CAND2: variants seen among roughly 807,000 people sequenced by gnomAD.
CAND2 encodes the protein cullin associated and neddylation dissociated 2 (putative).
A neutral mutation model predicts 98.9 loss-of-function variants in CAND2; 62 were observed. That is an observed-to-expected ratio of 0.63 (90% CI 0.51 to 0.77). The LOEUF is 0.77. CAND2 is among the 30% of genes least tolerant of loss of function. CAND2 has a pLI of 0.00. For missense variants in CAND2, 1,501 were observed against 1,655.2 expected (o/e 0.91, Z 1.62); for synonymous variants, 770 against 731.9 (o/e 1.05, Z -0.84).
rs747207547 is a variant in CAND2, at chr3:12,817,523, C to A, written c.2591C>A (p.Ala864Glu). The change falls in exon 10 of 15, where the codon GCG becomes GAG. Residue 864 changes from alanine to glutamate, a missense_variant. By Grantham distance (107) the Ala-to-Glu change is moderately radical. Transcript: ENST00000456430. ...AGPGHQRELK[A>E]VLLEALGSPS... ...CCAGGCCACCAGCGGGAGCTGAAGG[C>A]GGTGCTCCTGGAAGCTTTGGGGTCA... 11 of 1,613,572 alleles carry A rather than the reference C, an allele frequency of 6.8e-6. 1 individual carries two copies. The highest frequency in any genetic ancestry group is 1.7e-5 in the Admixed American group (1 of 60,002).
chr3:12,812,553 C>T (rs571752737), intron 5 of CAND2, among the ~76,000 whole-genome samples: 26 of 150,356 alleles, frequency 1.7e-4, no homozygotes, highest in Non-Finnish European at 2.8e-4. Context: ...TACAGGCGCC[C>T]GCCACCGCGC....
rs766570094 is a variant in CAND2 at position 12,833,718 on chromosome 3, A to G, written c.3484-37A>G. 2.6e-6 allele frequency: 4 copies of G among 1,557,262 alleles called. No homozygotes were observed. The African/African-American group carries it at 4.1e-5, about 16-fold the overall frequency. On this transcript the variant is annotated intron_variant, in intron 14 of 14. Transcript: ENST00000456430. The stretch of plus-strand genomic sequence containing the variant: ...GGAGGCAGTGGTGTGGGCCAGGCTC[A>G]ATAAAGGATGGCTGCTTCTGCTGTT...
chr3:12,816,904 G>C lies in CAND2; in HGVS notation c.1972G>C (p.Ala658Pro). Reference protein sequence around the residue: ...PILAEALHILASFLRKNQRAL... With the variant: ...PILAEALHILPSFLRKNQRAL... Reference sequence around the variant, plus strand: ...CCTGGCCGAGGCACTGCACATTCTGGCCTCATTCCTGCGGAAGAACCAGCG... The same window carrying C: ...CCTGGCCGAGGCACTGCACATTCTGCCCTCATTCCTGCGGAAGAACCAGCG... The change falls in exon 10 of 15, where the codon GCC becomes CCC. Residue 658 changes from alanine (A) to proline (P), a missense_variant. Transcript: ENST00000456430. The C allele has an allele frequency of 6.2e-7, 1 of 1,613,854 alleles. No individual in the cohort carries two copies. The highest frequency in any genetic ancestry group is 8.5e-7 in the Non-Finnish European group (1 of 1,180,026).
chr3:12,813,196 A>G (rs1404450883), intron 6 of CAND2, 50 bp from the exon 7 acceptor site: 7 of 1,604,612 alleles, frequency 4.4e-6, no homozygotes, highest in South Asian at 2.2e-5. Context: ...CCTGTCCCCC[A>G]CTCCTGTCCT....
chr3:12,827,484 C>A lies in CAND2; in HGVS notation c.3255C>A (p.Asp1085Glu). The A allele has an allele frequency of 6.2e-7, 1 of 1,614,040 alleles. No individual in the cohort carries two copies. Among genetic ancestry groups the A allele is most frequent in the Non-Finnish European group, 8.5e-7 (1 of 1,179,970 alleles). ...PFKHTVDDGLDVRKAAFECMY... is the reference protein window; with the variant it reads ...PFKHTVDDGLEVRKAAFECMY... ...AACATACAGTGGACGATGGGCTGGA[C>A]GTGCGGAAGGCGGCCTTTGAATGCA... is the stretch of plus-strand genomic sequence containing the variant. The change falls in exon 13 of 15, where the codon GAC (aspartate) becomes GAA (glutamate). Residue 1085 changes from aspartate to glutamate, a missense_variant. Physicochemically the swap from Asp to Glu is conservative, Grantham distance 45. This residue lies in a region of CAND2 where 1,427 missense variants were observed against 1,545.3 expected (regional missense o/e 0.92). Coordinates refer to ENST00000456430, the MANE Select transcript of CAND2 (RefSeq NM_001162499.2).
Position 12,834,041 on chromosome 3 carries a change from G to A in CAND2, c.*59G>A. On this transcript the variant is annotated 3_prime_UTR_variant, in exon 15 of 15. Coordinates refer to ENST00000456430, the MANE Select transcript of CAND2 (RefSeq NM_001162499.2). ...AGAAAGGAGCCCACCCAAGTCCGAG[G>A]CCTCCCCATCCCACCATCGCAGGTC... 7.2e-7 allele frequency: 1 copy of A among 1,392,546 alleles called. No homozygotes were observed. Among genetic ancestry groups the A allele is most frequent in the Non-Finnish European group, 1.0e-6 (1 of 984,096 alleles). The allele number at this position is 1,392,546 out of a possible 1,614,324, so 86.3% of individuals were successfully genotyped here.
intron 11 of CAND2, 101 bp downstream of exon 11, chr3:12,820,282 A>AC: frequency 1.2e-6 from 1 of 839,202 alleles, no homozygotes; most frequent in South Asian, 1.8e-5. Context: ...GCAATGGGAG[A>AC]CCCGGGAGGT....
rs2062078296 is a variant in CAND2 at position 12,834,068 on chromosome 3, C to T, written c.*86C>T. 7 of 1,113,656 alleles carry T rather than the reference C, an allele frequency of 6.3e-6. No homozygotes were observed. In the Admixed American group the frequency reaches 1.3e-4, roughly 21 times the overall value. 69.0% of individuals were successfully genotyped at this position (1,113,656 alleles called of 1,614,324 possible). On this transcript the variant is annotated 3_prime_UTR_variant, in exon 15 of 15. Transcript: ENST00000456430. ...CTCCCCATCCCACCATCGCAGGTCT[C>T]TACTTTTGCCCTTCCACCATCTCAC...
Position 12,816,399 on chromosome 3 carries a change from C to T in CAND2, c.1467C>T (p.Arg489=), listed in dbSNP as rs2061901611. The change falls in exon 10 of 15, where the codon CGC becomes CGT. Residue 489 remains arginine, a synonymous_variant. Transcript: ENST00000456430. The stretch of plus-strand genomic sequence containing the variant: ...GCATCATCTTCTCGCTGGCCGACCG[C>T]TCCAGCTCCTCCACCATCCGGATGG... ...VSGIIFSLAD[R]SSSSTIRMDA... 6.2e-7 allele frequency: 1 copy of T among 1,613,052 alleles called. No individual in the cohort carries two copies. Among genetic ancestry groups the T allele is most frequent in the Non-Finnish European group, 8.5e-7 (1 of 1,179,708 alleles).
At chr3:12,809,567 G>A (rs1196158706) in intron 4 of CAND2, among the ~76,000 whole-genome samples, 1 of 152,140 alleles carries the variant, frequency 6.6e-6, no homozygotes, top group Non-Finnish European at 1.5e-5. Context: ...CAGGAGCTGT[G>A]CTGTGTGCGC....
At chr3:12,809,092 G>A (rs1035879760) in intron 4 of CAND2, among the ~76,000 whole-genome samples, 1 of 152,136 alleles carries the variant, frequency 6.6e-6, no homozygotes, top group Non-Finnish European at 1.5e-5. Flanking sequence ...TTGTATTCAG[G>A]AGGGGGACTC....
intron 9 of CAND2, among the ~76,000 whole-genome samples, 163 bp downstream of exon 9, chr3:12,816,171 A>G (rs2061897307): frequency 6.6e-6 from 1 of 152,078 alleles, no homozygotes; most frequent in African/African-American, 2.4e-5. Flanking sequence ...AGCAGTGAGA[A>G]CAAGGCTGGC....
chr3:12,816,511 A>T lies in CAND2; in HGVS notation c.1579A>T (p.Met527Leu), dbSNP rs2061903521. 6.2e-7 allele frequency: 1 copy of T among 1,613,974 alleles called. No individual in the cohort carries two copies. The highest frequency in any genetic ancestry group is 8.5e-7 in the Non-Finnish European group (1 of 1,179,956). Residue 527 changes from methionine (M) to leucine (L), a missense_variant, in exon 10 of 15, where the codon ATG becomes TTG. Met to Leu is a conservative substitution (Grantham distance 15, BLOSUM62 2). Around this residue, in one of 3 missense-constraint regions of CAND2, gnomAD observed 1,427 missense variants for 1,545.3 expected, o/e 0.92. Transcript: ENST00000456430. ...PHLPILLPPV[M>L]ACVADSFYKI... ...CTTGCCTATCCTCCTGCCACCTGTG[A>T]TGGCCTGTGTGGCTGACTCTTTCTA...
intron 11 of CAND2, among the ~76,000 whole-genome samples, chr3:12,823,963 A>G (rs1002743655): frequency 6.6e-5 from 5 of 76,150 alleles, no homozygotes; most frequent in African/African-American, 2.2e-4. Context: ...GGATTCCCCC[A>G]TCCTTATTTC....
intron 13 of CAND2, among the ~76,000 whole-genome samples, chr3:12,830,567 C>A (rs1371054806): frequency 1.1e-4 from 16 of 152,210 alleles, no homozygotes; most frequent in Admixed American, 1.0e-3. Flanking sequence ...CCTCCAGGAG[C>A]GCAGGACAGG....
chr3:12,826,273 G>T (rs1486139959), intron 12 of CAND2, among the ~76,000 whole-genome samples: 1 of 152,224 alleles, frequency 6.6e-6, no homozygotes, highest in Admixed American at 6.5e-5. Flanking sequence ...GTAAAGGAAG[G>T]ATTCGGGGGC....
intron 2 of CAND2, among the ~76,000 whole-genome samples, chr3:12,804,522 C>T (rs2061791161): frequency 6.6e-6 from 1 of 152,098 alleles, no homozygotes. Context: ...GTCCTAAAAG[C>T]CCCAGCCTTA....
Position 12,810,309 on chromosome 3 carries a change from GCCGGCCA to G in CAND2, c.746_752del (p.Gly249AlafsTer36), listed in dbSNP as rs766236942. ...ATGTTTGGGCAGCGTCGGCCGCCAG[GCCGGCCA>G]CCGCCTCGGTAAGGGGGCAGGGGGC... On this transcript the variant is annotated frameshift_variant, in exon 5 of 15. Transcript: ENST00000456430. LOFTEE classifies it high-confidence loss of function. 15 of 1,457,178 alleles carry G rather than the reference GCCGGCCA, an allele frequency of 1.0e-5. No homozygotes were observed. The Admixed American group carries it at 2.2e-4, about 22-fold the overall frequency. The allele number at this position is 1,457,178 out of a possible 1,614,324, so 90.3% of individuals were successfully genotyped here. A position where few individuals can be genotyped will look rare whatever the true frequency, so the allele number is the denominator to read the frequency against.
chr3:12,798,905 C>T (rs2061745959), intron 1 of CAND2, among the ~76,000 whole-genome samples: 1 of 152,054 alleles, frequency 6.6e-6, no homozygotes, highest in South Asian at 2.1e-4. Flanking sequence ...AGACTGTCCT[C>T]TGGTTCCTGG....
Sources: allele counts gnomAD v4.1 joint callset (sites outside exome capture counted in the v4.1 genomes callset), GRCh38; gene constraint gnomAD v4.1.1; regional missense constraint gnomAD v4.1.1; transcripts MANE v1.5; gene names NCBI Gene and HGNC (gene_info 2026-07-23, HGNC 2026-07-21).